CFAP20DC: variants seen among roughly 807,000 people sequenced by gnomAD.
CFAP20DC encodes protein CFAP20DC.
Under a neutral mutation model 101.7 loss-of-function variants are expected in CFAP20DC, and 84 were observed. The ratio of observed to expected loss-of-function variants is 0.83; its 90% CI spans 0.69 to 0.99. The LOEUF (loss-of-function observed/expected upper bound fraction) is 0.99, where lower values mean the gene tolerates loss of function less well. Ranked by LOEUF, CFAP20DC falls within the 50% of genes least tolerant of loss-of-function variation. The pLI, the probability that CFAP20DC is intolerant of heterozygous loss-of-function variation, is 0.00. For missense variants in CFAP20DC, 1,007 were observed against 970.3 expected (o/e 1.04, Z -0.50); for synonymous variants, 359 against 351.2 (o/e 1.02, Z -0.25).
chr3:58,719,873 T>A (rs1338072009), intron 3 of CFAP20DC, among the ~76,000 whole-genome samples: 1 of 152,250 alleles, frequency 6.6e-6, no homozygotes. Flanking sequence ...ACTCTGCCCA[T>A]GCAAACCACT....
intron 6 of CFAP20DC, among the ~76,000 whole-genome samples, chr3:58,888,274 T>C (rs906120581): frequency 1.3e-5 from 2 of 152,242 alleles, no homozygotes; most frequent in Admixed American, 6.5e-5. Flanking sequence ...TTATTGAGGC[T>C]CTACTATGTG....
intron 13 of CFAP20DC, among the ~76,000 whole-genome samples, chr3:58,836,189 A>G (rs1423641275): frequency 6.6e-6 from 1 of 152,122 alleles, no homozygotes; most frequent in African/African-American, 2.4e-5. Flanking sequence ...GCTTTCATAA[A>G]CCTTACATCT....
intron 4 of CFAP20DC, among the ~76,000 whole-genome samples, chr3:59,024,865 A>G (rs1486323226): frequency 3.3e-5 from 5 of 152,196 alleles, no homozygotes; most frequent in Admixed American, 6.5e-5. Context: ...CCAAAGGAAA[A>G]AAACAGTGAG....
intron 15 of CFAP20DC, among the ~76,000 whole-genome samples, chr3:58,776,519 G>C (rs762841039): frequency 1.3e-5 from 2 of 151,642 alleles, no homozygotes; most frequent in African/African-American, 2.4e-5. Flanking sequence ...ACAAATTGCT[G>C]CCCTTAGAGA....
At position 58,732,201 on chromosome 3, in the gene CFAP20DC, G is replaced by T. The variant is rs529644617; in HGVS notation, c.198-14573C>A. 6.6e-6 allele frequency among the ~76,000 whole-genome samples: 1 copy of T among 152,108 alleles called. No individual in the cohort carries two copies. The highest frequency in any genetic ancestry group is 1.5e-5 in the Non-Finnish European group (1 of 68,000). ...GCATTCAGCAGAGTCACGGTCCAAG[G>T]CCTACCCTAATGACTCGTTAGGTCA... is the stretch of plus-strand genomic sequence containing the variant. On this transcript the variant is annotated intron_variant, in intron 3 of 3. Coordinates refer to the CFAP20DC transcript ENST00000486145. The surrounding 1 kb of genome is among the most constrained non-coding windows in gnomAD (Gnocchi z 5.4).
At chr3:58,826,680 T>A (rs1277431801) in intron 14 of CFAP20DC, among the ~76,000 whole-genome samples, 2 of 152,248 alleles carry the variant, frequency 1.3e-5, no homozygotes, top group Admixed American at 6.5e-5. Flanking sequence ...GATTGATTCA[T>A]TCAAGTAATG....
chr3:58,890,339 C>T (rs1486721609), intron 6 of CFAP20DC, among the ~76,000 whole-genome samples: 15 of 118,522 alleles, frequency 1.3e-4, no homozygotes, highest in Middle Eastern at 6.6e-3. Context: ...CCGGACGGGG[C>T]GGCTGGCCGG....
At chr3:58,960,793 A>C (rs2091070140) in intron 4 of CFAP20DC, among the ~76,000 whole-genome samples, 1 of 152,162 alleles carries the variant, frequency 6.6e-6, no homozygotes, top group Non-Finnish European at 1.5e-5. Flanking sequence ...ATTTCATTAT[A>C]CTAGAATACA....
In CFAP20DC at chr3:58,892,282, G is replaced by C. The variant is rs1385932043; in HGVS notation, c.551-7573C>G. ...TGGATAGCATGATGCCTCCAGCTTT[G>C]TTCTTTTTGCTTAAGATTGTCTTGG... On this transcript the variant is annotated intron_variant, in intron 6 of 16. Coordinates refer to ENST00000482387, the MANE Select transcript of CFAP20DC (RefSeq NM_001394063.1). This position sits in a 1 kb window ranked among gnomAD's most constrained non-coding sequence, Gnocchi z 4.0. Among the ~76,000 whole-genome samples, 2 of 152,124 alleles carry C rather than the reference G, an allele frequency of 1.3e-5. No homozygotes were observed. The highest frequency in any genetic ancestry group is 4.8e-5 in the African/African-American group (2 of 41,434).
intron 13 of CFAP20DC, among the ~76,000 whole-genome samples, chr3:58,838,673 T>C (rs1261724804): frequency 6.6e-6 from 1 of 152,204 alleles, no homozygotes; most frequent in Non-Finnish European, 1.5e-5. Flanking sequence ...GAAATATACT[T>C]CCATACATTT....
chr3:58,898,675 C>T (rs549521705), intron 6 of CFAP20DC, among the ~76,000 whole-genome samples: 2 of 152,188 alleles, frequency 1.3e-5, no homozygotes, highest in Non-Finnish European at 2.9e-5. Context: ...CCTTCTGAAG[C>T]CTACTTGTCA....
intron 4 of CFAP20DC, among the ~76,000 whole-genome samples, chr3:59,008,201 C>T (rs2093485152): frequency 6.6e-6 from 1 of 152,148 alleles, no homozygotes; most frequent in South Asian, 2.1e-4. Flanking sequence ...ATCAACATTC[C>T]TACAGATGAA....
chr3:58,993,351 G>A (rs1045647920), intron 4 of CFAP20DC, among the ~76,000 whole-genome samples: 6 of 152,128 alleles, frequency 3.9e-5, no homozygotes, highest in Admixed American at 3.9e-4. Context: ...CCGTGTGATT[G>A]ACTGAAATAG....
intron 15 of CFAP20DC, among the ~76,000 whole-genome samples, chr3:58,779,866 C>T (rs1202613756): frequency 6.6e-6 from 1 of 151,988 alleles, no homozygotes; most frequent in African/African-American, 2.4e-5. Context: ...CAGAGATCCC[C>T]AAACAGGTAT....
intron 3 of CFAP20DC, among the ~76,000 whole-genome samples, chr3:58,733,519 AC>A (rs1365183446): frequency 2.0e-5 from 3 of 152,090 alleles, no homozygotes; most frequent in African/African-American, 7.2e-5. Context: ...AGTAAAAAAA[AC>A]CCTTTAACAT....
chr3:59,043,669 T>G (rs746770029), intron 3 of CFAP20DC, among the ~76,000 whole-genome samples: 4 of 151,932 alleles, frequency 2.6e-5, no homozygotes, highest in African/African-American at 9.7e-5. Flanking sequence ...GTTTCAAACA[T>G]GAGCCTCCAA....
At chr3:58,814,724 G>T (rs2074974823) in intron 14 of CFAP20DC, among the ~76,000 whole-genome samples, 1 of 150,616 alleles carries the variant, frequency 6.6e-6, no homozygotes, top group South Asian at 2.1e-4. Context: ...CAGACAAACA[G>T]AGAGCCAAAT....
Position 58,897,454 on chromosome 3 carries a change from A to G in CFAP20DC, c.551-12745T>C, listed in dbSNP as rs2082759879. Among the ~76,000 whole-genome samples the G allele has an allele frequency of 6.6e-6, 1 of 152,116 alleles. No homozygotes were observed. ...CAGATTTGTTTATGTGGTTGCTTCA[A>G]TGTTACTGGGCTGTGTACTTCAGAT... On this transcript the variant is annotated intron_variant, in intron 6 of 16. Transcript: ENST00000482387. The surrounding 1 kb of genome is among the most constrained non-coding windows in gnomAD (Gnocchi z 4.4).
At chr3:58,753,568 AAGGGT>A (rs2068717674) in intron 16 of CFAP20DC, 196 bp downstream of exon 16, 4 of 496,542 alleles carry the variant, frequency 8.1e-6, no homozygotes, top group Admixed American at 3.9e-5. Context: ...TTAGAAGAAC[AAGGGT>A]AGTTTCTCTC....
Sources: allele counts gnomAD v4.1 joint callset (sites outside exome capture counted in the v4.1 genomes callset), GRCh38; gene constraint gnomAD v4.1.1; non-coding constraint Gnocchi (gnomAD v3.1); transcripts MANE v1.5; gene names NCBI Gene and HGNC (gene_info 2026-07-23, HGNC 2026-07-21).